The following ZBED4 variants were observed in gnomAD, a reference collection of about 807,000 sequenced individuals.
ZBED4 encodes zinc finger BED domain-containing protein 4.
A neutral mutation model predicts 15.5 loss-of-function variants in ZBED4; 4 were observed. That is an observed-to-expected ratio of 0.26 (90% CI 0.13 to 0.59). The LOEUF is 0.59. ZBED4 is among the 20% of genes least tolerant of loss of function. The pLI is 0.90. For missense variants in ZBED4, 1,323 were observed against 1,461.8 expected, an observed-to-expected ratio of 0.91 and a Z score of 1.55; for synonymous variants, 692 against 608.5, an observed-to-expected ratio of 1.14 and a Z score of -2.02.
At chr22:49,870,114 A>G (rs901911104) in intron 1 of ZBED4, among the ~76,000 whole-genome samples, 4 of 152,188 alleles carry the variant, frequency 2.6e-5, no homozygotes, top group Non-Finnish European at 5.9e-5. Flanking sequence ...ACTTAGGATG[A>G]TGGTCTCCAG....
rs910799 is a variant in ZBED4 at position 49,884,920 on chromosome 22, A to G, written c.1258A>G (p.Ile420Val). 1,240,793 of 1,605,264 alleles carry G rather than the reference A, an allele frequency of 0.77. 491,664 individuals are homozygous for G. Among genetic ancestry groups the G allele is most frequent in the East Asian group, 0.86 (38,616 of 44,778 alleles). Residue 420 changes from isoleucine (I) to valine (V), a missense_variant, in exon 2 of 2, where the codon ATA (isoleucine) becomes GTA (valine). Ile to Val is a conservative substitution (Grantham distance 29). Around this residue, in one of 6 missense-constraint regions of ZBED4, gnomAD observed 429 missense variants for 397.9 expected, o/e 1.08. Coordinates refer to ENST00000216268, the MANE Select transcript of ZBED4 (RefSeq NM_014838.3). ...DVAAFSSSDDIGEASASSPEK... is the reference protein window; with the variant it reads ...DVAAFSSSDDVGEASASSPEK... ...GGCGGCCTTCTCATCTTCCGATGAC[A>G]TAGGGGAGGCCTCGGCGTCCTCTCC...
At position 49,885,099 on chromosome 22, in the gene ZBED4, C is replaced by T. The variant is rs1330610427; in HGVS notation, c.1437C>T (p.Tyr479=). 6.2e-7 allele frequency: 1 copy of T among 1,613,948 alleles called. No individual in the cohort carries two copies. The highest frequency in any genetic ancestry group is 8.5e-7 in the Non-Finnish European group (1 of 1,179,844). Residue 479 remains tyrosine, a synonymous_variant, in exon 2 of 2, where the codon TAC becomes TAT. Coordinates refer to ENST00000216268, the MANE Select transcript of ZBED4 (RefSeq NM_014838.3). ...PMDSLKAECR[Y]CGCAISRGKK... ...ACAGCCTCAAGGCCGAGTGTCGGTA[C>T]TGCGGCTGTGCCATCAGCCGGGGGA... is the stretch of plus-strand genomic sequence containing the variant.
Position 49,885,876 on chromosome 22 carries a change from C to A in ZBED4, c.2214C>A (p.Asn738Lys), listed in dbSNP as rs1351757036. The A allele has an allele frequency of 1.2e-5, 15 of 1,292,268 alleles. No homozygotes were observed. Among genetic ancestry groups the A allele is most frequent in the Non-Finnish European group, 1.7e-5 (15 of 891,446 alleles). The allele number at this position is 1,292,268 out of a possible 1,614,324, so 80.1% of individuals were successfully genotyped here. The change falls in exon 2 of 2, where the codon AAC becomes AAA. Residue 738 changes from asparagine to lysine, a missense_variant. Transcript: ENST00000216268. ...IHFTSGIWMS[N>K]QTREYLTLTA... is the part of the protein sequence containing the mutation. The stretch of plus-strand genomic sequence containing the variant: ...TCACGTCTGGAATATGGATGAGTAA[C>A]CAGACCCGTGAGTACCTGACCCTCA...
At chr22:49,871,760 T>A (rs1324022160) in intron 1 of ZBED4, among the ~76,000 whole-genome samples, 10 of 128,696 alleles carry the variant, frequency 7.8e-5, no homozygotes, top group African/African-American at 2.3e-4. Flanking sequence ...TTTATTTATT[T>A]TTTTTTTTTT....
At chr22:49,881,217 C>T (rs1191572722) in intron 1 of ZBED4, among the ~76,000 whole-genome samples, 3 of 152,222 alleles carry the variant, frequency 2.0e-5, no homozygotes, top group Non-Finnish European at 4.4e-5. Flanking sequence ...GGTGTCATGG[C>T]ACACGCCTGT....
Position 49,884,483 on chromosome 22 carries a change from G to A in ZBED4, c.821G>A (p.Ser274Asn). 1.2e-6 allele frequency: 2 copies of A among 1,614,198 alleles called. No individual in the cohort carries two copies. The highest frequency in any genetic ancestry group is 8.5e-7 in the Non-Finnish European group (1 of 1,180,048). Residue 274 changes from serine to asparagine, a missense_variant, in exon 2 of 2, where the codon AGC (serine) becomes AAC (asparagine). By Grantham distance (46) the Ser-to-Asn change is conservative. Transcript: ENST00000216268. ...DEPAENLAEK[S>N]LPLPKSTSGS... is the part of the protein sequence containing the mutation. ...CCTGCAGAGAACTTAGCGGAGAAGAGCCTTCCACTTCCAAAGAGCACCTCT... is the reference window on the plus strand; with the variant it reads ...CCTGCAGAGAACTTAGCGGAGAAGAACCTTCCACTTCCAAAGAGCACCTCT...
At chr22:49,870,359 G>T (rs1323061742) in intron 1 of ZBED4, among the ~76,000 whole-genome samples, 2 of 152,182 alleles carry the variant, frequency 1.3e-5, no homozygotes, top group Non-Finnish European at 2.9e-5. Context: ...GCATCACTGG[G>T]TCCAATGGTA....
chr22:49,884,744 C>G lies in ZBED4; in HGVS notation c.1082C>G (p.Ser361Cys), dbSNP rs1385535106. The G allele has an allele frequency of 6.3e-7, 1 of 1,593,400 alleles. No individual in the cohort carries two copies. Among genetic ancestry groups the G allele is most frequent in the East Asian group, 2.2e-5 (1 of 44,552 alleles). Reference sequence around the variant, plus strand: ...TCCACCCCTCCCACTCTGCTGCCTTCCTTGCTGCCGCCGGAGGGGGAGCTC... The same window carrying G: ...TCCACCCCTCCCACTCTGCTGCCTTGCTTGCTGCCGCCGGAGGGGGAGCTC... ...LYSTPPTLLP[S>C]LLPPEGELSS... The change falls in exon 2 of 2, where the codon TCC (serine) becomes TGC (cysteine). Residue 361 changes from serine (S) to cysteine (C), a missense_variant. Ser to Cys is a moderately radical substitution (Grantham distance 112). This residue lies in a region of ZBED4 where 429 missense variants were observed against 397.9 expected (regional missense o/e 1.08). Transcript: ENST00000216268.
At position 49,884,959 on chromosome 22, in the gene ZBED4, G is replaced by C; in HGVS notation, c.1297G>C (p.Ala433Pro). 1 of 1,612,054 alleles carries C rather than the reference G, an allele frequency of 6.2e-7. No individual in the cohort carries two copies. Among genetic ancestry groups the C allele is most frequent in the Non-Finnish European group, 8.5e-7 (1 of 1,178,890 alleles). The change falls in exon 2 of 2, where the codon GCT (alanine) becomes CCT (proline). Residue 433 changes from alanine to proline, a missense_variant. Ala to Pro is a conservative substitution (Grantham distance 27). This residue lies in a region of ZBED4 where 429 missense variants were observed against 397.9 expected (regional missense o/e 1.08). Transcript: ENST00000216268. ...GGCGTCCTCTCCTGAGAAGCAGCAG[G>C]CTGATGGGCTGAGTCCTAGATTGTT... ...ASASSPEKQQ[A>P]DGLSPRLFES...
In ZBED4 at chr22:49,885,143, C is replaced by T; in HGVS notation, c.1481C>T (p.Thr494Ile). 1.9e-6 allele frequency: 3 copies of T among 1,612,942 alleles called. No homozygotes were observed. Among genetic ancestry groups the T allele is most frequent in the Non-Finnish European group, 2.5e-6 (3 of 1,179,788 alleles). Residue 494 changes from threonine to isoleucine, a missense_variant, in exon 2 of 2, where the codon ACC becomes ATC. Physicochemically the swap from Thr to Ile is moderately conservative, Grantham distance 89. Coordinates refer to ENST00000216268, the MANE Select transcript of ZBED4 (RefSeq NM_014838.3). ...CGGGGGAAGAAGGGTGATGTGGGCA[C>T]CAGCTGCCTGATGAGACATCTCTAC... Reference protein sequence around the residue: ...ISRGKKGDVGTSCLMRHLYRR... With the variant: ...ISRGKKGDVGISCLMRHLYRR...
chr22:49,863,078 G>A (rs1265905760), intron 1 of ZBED4, among the ~76,000 whole-genome samples: 1 of 152,160 alleles, frequency 6.6e-6, no homozygotes, highest in Non-Finnish European at 1.5e-5. Context: ...TAACTTGGTG[G>A]TTGGACTCGT....
rs146037425 is a variant in ZBED4 at position 49,858,198 on chromosome 22, G to A, written c.-330+4209G>A. On this transcript the variant is annotated intron_variant, in intron 1 of 1. Transcript: ENST00000216268. ...ATTACAGGCGTGAGCCACCGTGCCCGGCCCCCTTCTCAGTTTAGCCCAGAC... is the reference window on the plus strand; with the variant it reads ...ATTACAGGCGTGAGCCACCGTGCCCAGCCCCCTTCTCAGTTTAGCCCAGAC... 2.0e-4 allele frequency among the ~76,000 whole-genome samples: 31 copies of A among 152,292 alleles called. No individual in the cohort carries two copies. The East Asian group carries it at 5.6e-3, about 28-fold the overall frequency.
Position 49,887,156 on chromosome 22 carries a change from C to G in ZBED4, c.3494C>G (p.Pro1165Arg). 6.2e-7 allele frequency: 1 copy of G among 1,611,474 alleles called. No homozygotes were observed. Among genetic ancestry groups the G allele is most frequent in the Non-Finnish European group, 8.5e-7 (1 of 1,178,512 alleles). ...EKLIFLKVNL[P>R]LIYFQY Reference sequence around the variant, plus strand: ...CTTATCTTTTTGAAAGTGAATCTTCCCTTAATATACTTTCAGTATTGAAAC... The same window carrying G: ...CTTATCTTTTTGAAAGTGAATCTTCGCTTAATATACTTTCAGTATTGAAAC... Residue 1165 changes from proline (P) to arginine (R), a missense_variant, in exon 2 of 2, where the codon CCC becomes CGC. Coordinates refer to ENST00000216268, the MANE Select transcript of ZBED4 (RefSeq NM_014838.3).
chr22:49,887,251 C>A lies in ZBED4; in HGVS notation c.*73C>A. ...AGCAGCCTGTACCAGGTCTATGACC[C>A]GCTCTGCCCACGGCTGTGTACGACA... On this transcript the variant is annotated 3_prime_UTR_variant, in exon 2 of 2. Transcript: ENST00000216268. 1 of 1,483,370 alleles carries A rather than the reference C, an allele frequency of 6.7e-7. No individual in the cohort carries two copies. Among genetic ancestry groups the A allele is most frequent in the Non-Finnish European group, 9.1e-7 (1 of 1,093,666 alleles). 91.9% of individuals were successfully genotyped at this position (1,483,370 alleles called of 1,614,324 possible). A position where few individuals can be genotyped will look rare whatever the true frequency, so the allele number is the denominator to read the frequency against.
chr22:49,863,287 A>G (rs2060305773), intron 1 of ZBED4, among the ~76,000 whole-genome samples: 1 of 152,130 alleles, frequency 6.6e-6, no homozygotes, highest in Non-Finnish European at 1.5e-5. Context: ...AGCCTCCCTA[A>G]TAACTGGGAC....
chr22:49,865,376 G>A (rs1008108491), intron 1 of ZBED4, among the ~76,000 whole-genome samples: 3 of 152,062 alleles, frequency 2.0e-5, no homozygotes, highest in African/African-American at 4.8e-5. Context: ...GGGGCCGGGC[G>A]CAGTGGCTCA....
At position 49,886,779 on chromosome 22, in the gene ZBED4, C is replaced by T; in HGVS notation, c.3117C>T (p.Thr1039=). 1 of 1,612,482 alleles carries T rather than the reference C, an allele frequency of 6.2e-7. No individual in the cohort carries two copies. The highest frequency in any genetic ancestry group is 1.3e-5 in the African/African-American group (1 of 75,018). The change falls in exon 2 of 2, where the codon ACC becomes ACT. Residue 1039 remains threonine (T), a synonymous_variant. Transcript: ENST00000216268. The surrounding 1 kb of genome is among the most constrained non-coding windows in gnomAD (Gnocchi z 7.7). ...GGGAACTCGAACTCATGAATTCTAC[C>T]TCAGAGGACGTGGCTGCCTCCCACA... is the stretch of plus-strand genomic sequence containing the variant. ...LIRELELMNS[T]SEDVAASHRC... is the part of the protein sequence containing the mutation.
At position 49,886,134 on chromosome 22, in the gene ZBED4, C is replaced by T. The variant is rs61731523; in HGVS notation, c.2472C>T (p.Ser824=). 6.4e-3 allele frequency: 4,354 copies of T among 683,758 alleles called. 132 individuals are homozygous for T. In the African/African-American group the frequency reaches 0.065, roughly 10 times the overall value. The allele number at this position is 683,758 out of a possible 1,614,324, so 42.4% of individuals were successfully genotyped here. A position where few individuals can be genotyped will look rare whatever the true frequency, so the allele number is the denominator to read the frequency against. The change falls in exon 2 of 2, where the codon AGC becomes AGT. Residue 824 remains serine (S), a synonymous_variant. Transcript: ENST00000216268. The surrounding 1 kb of genome is among the most constrained non-coding windows in gnomAD (Gnocchi z 7.7). ...GKTLNEGEHS[S]VQCFSHTVNL... is the part of the protein sequence containing the mutation. ...CGCTGAACGAGGGGGAGCACTCGAG[C>T]GTGCAGTGCTTCAGCCATACGGTGA...
intron 1 of ZBED4, among the ~76,000 whole-genome samples, chr22:49,870,905 C>T (rs114675915): frequency 1.9e-3 from 290 of 151,442 alleles, no homozygotes; most frequent in African/African-American, 6.9e-3. Context: ...AATCATAATT[C>T]ACGTAGCTAC....
Sources: allele counts gnomAD v4.1 joint callset (sites outside exome capture counted in the v4.1 genomes callset), GRCh38; gene constraint gnomAD v4.1.1; regional missense constraint gnomAD v4.1.1; non-coding constraint Gnocchi (gnomAD v3.1); transcripts MANE v1.5; gene names NCBI Gene and HGNC (gene_info 2026-07-23, HGNC 2026-07-21).